KMT2E: variants seen among roughly 807,000 people sequenced by gnomAD.
KMT2E encodes the protein histone reader KMT2E.
KMT2E carries 30 observed loss-of-function variants against 184.6 expected under a neutral mutation model. That is an observed-to-expected ratio of 0.16 (90% CI 0.12 to 0.22). The LOEUF (loss-of-function observed/expected upper bound fraction) is 0.22. Ranked by LOEUF, KMT2E falls within the 10% of genes least tolerant of loss-of-function variation. KMT2E has a pLI of 1.00. For missense variants in KMT2E, 2,023 were observed against 2,237.4 expected (o/e 0.90, Z 1.93); for synonymous variants, 815 against 776.5 (o/e 1.05, Z -0.82).
At position 105,114,948 on chromosome 7, in the gene KMT2E, C is replaced by T. The variant is rs1238440429; in HGVS notation, c.*1615C>T. ...ATTTGTCTGAGAAGAAATGGTTTTA[C>T]ATCATCTATCCTGATAGTTTCAAAC... On this transcript the variant is annotated 3_prime_UTR_variant, in exon 27 of 27. Transcript: ENST00000311117. 6.6e-6 allele frequency among the ~76,000 whole-genome samples: 1 copy of T among 152,188 alleles called. No homozygotes were observed. Among genetic ancestry groups the T allele is most frequent in the Non-Finnish European group, 1.5e-5 (1 of 68,028 alleles).
chr7:105,108,255 C>A (rs1370980688), intron 22 of KMT2E, among the ~76,000 whole-genome samples: 1 of 151,836 alleles, frequency 6.6e-6, no homozygotes, highest in African/African-American at 2.4e-5. Context: ...GTGTTATTAC[C>A]TTTATTGTAC....
chr7:105,016,968 T>TA (rs1794741090), intron 1 of KMT2E, among the ~76,000 whole-genome samples: 1 of 152,180 alleles, frequency 6.6e-6, no homozygotes, highest in African/African-American at 2.4e-5. Flanking sequence ...AATATTTTAT[T>TA]ATAAAGTGAA....
At chr7:105,087,581 G>A (rs773857178) in intron 13 of KMT2E, among the ~76,000 whole-genome samples, 15 of 151,302 alleles carry the variant, frequency 9.9e-5, no homozygotes, top group Non-Finnish European at 1.8e-4. Context: ...ACACTGCCAC[G>A]CCTAGCTAAT....
At chr7:105,097,007 A>T (rs924601028) in intron 15 of KMT2E, among the ~76,000 whole-genome samples, 1 of 152,180 alleles carries the variant, frequency 6.6e-6, no homozygotes, top group Non-Finnish European at 1.5e-5. Context: ...AGATTTTCCT[A>T]AACTTGTATA....
At chr7:105,060,224 A>G (rs879725752) in intron 3 of KMT2E, among the ~76,000 whole-genome samples, 29 of 151,264 alleles carry the variant, frequency 1.9e-4, no homozygotes, top group Non-Finnish European at 3.7e-4. Context: ...TGAACTCCTG[A>G]CCTTGTGATC....
intron 15 of KMT2E, 64 bp from the exon 16 acceptor site, chr7:105,101,361 T>G (rs1191222784): frequency 7.0e-6 from 8 of 1,135,200 alleles, no homozygotes; most frequent in South Asian, 3.8e-5. Flanking sequence ...TCACAAACAT[T>G]TGGACTTAAT....
At chr7:105,029,595 G>A (rs1795318992) in intron 1 of KMT2E, among the ~76,000 whole-genome samples, 1 of 152,112 alleles carries the variant, frequency 6.6e-6, no homozygotes, top group Admixed American at 6.5e-5. Flanking sequence ...GGGAGAATGA[G>A]TCTTAAACAC....
chr7:105,043,230 TC>T (rs2129565510), intron 3 of KMT2E, among the ~76,000 whole-genome samples: 1 of 151,428 alleles, frequency 6.6e-6, no homozygotes, highest in South Asian at 2.1e-4. Flanking sequence ...TACTTAAATT[TC>T]TTTTTTTCTT....
At position 105,090,095 on chromosome 7, in the gene KMT2E, A is replaced by G. The variant is rs375105762; in HGVS notation, c.1445A>G (p.Asn482Ser). 46 of 1,613,714 alleles carry G rather than the reference A, an allele frequency of 2.9e-5. No homozygotes were observed. Among genetic ancestry groups the G allele is most frequent in the African/African-American group, 8.0e-5 (6 of 74,902 alleles). ...KRSSESMENI[N>S]SGYETRRKKG... is the part of the protein sequence containing the mutation. ...AGTTCTGAATCCATGGAAAATATCA[A>G]TAGTGGTTATGAGACCAGACGGAAA... The change falls in exon 14 of 27, where the codon AAT becomes AGT. Residue 482 changes from asparagine (N) to serine (S), a missense_variant. Transcript: ENST00000311117.
chr7:105,071,311 T>G (rs1019739437), intron 6 of KMT2E, among the ~76,000 whole-genome samples: 2 of 152,042 alleles, frequency 1.3e-5, no homozygotes, highest in African/African-American at 4.8e-5. Context: ...TATAAAATTT[T>G]GTTAGATTGT....
intron 3 of KMT2E, among the ~76,000 whole-genome samples, chr7:105,044,291 TCAA>T (rs1282181952): frequency 6.6e-6 from 1 of 152,132 alleles, no homozygotes; most frequent in African/African-American, 2.4e-5. Context: ...AAGTAAATAA[TCAA>T]CAGTCATAAA....
chr7:105,020,468 C>A (rs1794904406), intron 1 of KMT2E, among the ~76,000 whole-genome samples: 1 of 151,990 alleles, frequency 6.6e-6, no homozygotes, highest in Non-Finnish European at 1.5e-5. Context: ...GCCTGTAATC[C>A]CAGCTACTTG....
intron 1 of KMT2E, among the ~76,000 whole-genome samples, chr7:105,033,325 T>C (rs1259642012): frequency 6.6e-6 from 1 of 152,254 alleles, no homozygotes; most frequent in Admixed American, 6.5e-5. Flanking sequence ...CATTAAACTT[T>C]TAATTTTGTG....
chr7:105,067,066 TAAAAAAA>T (rs11457088), intron 6 of KMT2E, among the ~76,000 whole-genome samples: 4 of 115,474 alleles, frequency 3.5e-5, no homozygotes, highest in African/African-American at 6.7e-5. Context: ...CTTTTTTTTT[TAAAAAAA>T]AAAAAAAAAA....
In KMT2E at chr7:105,113,925, C is replaced by T. The variant is rs1045273228; in HGVS notation, c.*592C>T. On this transcript the variant is annotated 3_prime_UTR_variant, in exon 27 of 27. Transcript: ENST00000311117. Reference sequence around the variant, plus strand: ...ACAGCTTTTCTCATTTGATATATAGCATTGTACATATGACAAGTCTTTTGC... The same window carrying T: ...ACAGCTTTTCTCATTTGATATATAGTATTGTACATATGACAAGTCTTTTGC... 1.3e-5 allele frequency: 2 copies of T among 154,052 alleles called. No individual in the cohort carries two copies. Among genetic ancestry groups the T allele is most frequent in the Non-Finnish European group, 2.9e-5 (2 of 68,326 alleles). The allele number at this position is 154,052 out of a possible 1,614,324, so 9.5% of individuals were successfully genotyped here.
chr7:105,086,776 A>T (rs1476212974), intron 13 of KMT2E, among the ~76,000 whole-genome samples: 2 of 146,714 alleles, frequency 1.4e-5, no homozygotes, highest in East Asian at 3.9e-4. Context: ...AAATATATAT[A>T]AAATAAATAT....
At position 105,110,615 on chromosome 7, in the gene KMT2E, A is replaced by G. The variant is rs2129570095; in HGVS notation, c.3970+13A>G. ...GAACTTATGGAAGGTCAGTAAGCAG[A>G]TGACCGATAATGTTATTCTTAACAA... On this transcript the variant is annotated intron_variant, in intron 25 of 26. Coordinates refer to ENST00000311117, the MANE Select transcript of KMT2E (RefSeq NM_182931.3). 11 of 1,613,910 alleles carry G rather than the reference A, an allele frequency of 6.8e-6. No individual in the cohort carries two copies. The highest frequency in any genetic ancestry group is 8.5e-6 in the Non-Finnish European group (10 of 1,179,832).
intron 1 of KMT2E, among the ~76,000 whole-genome samples, chr7:105,037,871 A>AT (rs1249705532): frequency 3.1e-5 from 3 of 97,834 alleles, no homozygotes; most frequent in Non-Finnish European, 6.0e-5. Flanking sequence ...TTTCAGTTAA[A>AT]CATTTTTAAA....
At chr7:105,103,920 CGGG>C (rs1445516698) in intron 17 of KMT2E, 3 of 148,928 alleles carry the variant, frequency 2.0e-5, no homozygotes, top group Non-Finnish European at 3.0e-5. Flanking sequence ...CTCCGCCTCC[CGGG>C]TTCAAGTGCT....
Sources: gnomAD v4.1 joint callset for allele counts (sites outside exome capture counted in the v4.1 genomes callset) on GRCh38, gnomAD v4.1.1 for gene constraint, MANE v1.5 for transcripts, NCBI Gene and HGNC (gene_info 2026-07-23, HGNC 2026-07-21) for gene names.